Variants in EIF4E observed in about 807,000 individuals in gnomAD.
EIF4E encodes the protein eukaryotic translation initiation factor 4E.
For missense variants in EIF4E, 113 were observed against 265.6 expected, an observed-to-expected ratio of 0.43 and a Z score of 3.99; for synonymous variants, 71 against 88.5, an observed-to-expected ratio of 0.80 and a Z score of 1.11.
At chr4:98,906,055 A>C (rs907716582) in intron 1 of EIF4E, among the ~76,000 whole-genome samples, 3 of 152,192 alleles carry the variant, frequency 2.0e-5, no homozygotes, top group African/African-American at 7.2e-5. Context: ...GCTTTTCCAT[A>C]GTTTTGAACA....
chr4:98,927,879 G>A (rs186758603), intron 1 of EIF4E, among the ~76,000 whole-genome samples: 4 of 152,066 alleles, frequency 2.6e-5, no homozygotes, highest in Admixed American at 2.6e-4. Flanking sequence ...AAAGGCAACA[G>A]GGCCCAGAAG....
At chr4:98,884,777 G>A (rs914655685) in intron 6 of EIF4E, 145 bp downstream of exon 6, 68 of 1,104,580 alleles carry the variant, frequency 6.2e-5, no homozygotes, top group South Asian at 1.3e-4. Flanking sequence ...CAATTGAGCC[G>A]TTCAAAATTA....
intron 6 of EIF4E, 66 bp from the exon 7 acceptor site, chr4:98,881,208 T>A: frequency 6.4e-7 from 1 of 1,560,588 alleles, no homozygotes. Flanking sequence ...GAAATACATT[T>A]AAAAATTTAG....
intron 1 of EIF4E, among the ~76,000 whole-genome samples, chr4:98,927,395 C>A (rs571876621): frequency 2.0e-5 from 3 of 152,092 alleles, no homozygotes; most frequent in Non-Finnish European, 4.4e-5. Context: ...GTGGCTCACG[C>A]CTGTAATCCC....
intron 3 of EIF4E, among the ~76,000 whole-genome samples, chr4:98,890,410 A>G (rs1409919978): frequency 6.6e-6 from 1 of 152,240 alleles, no homozygotes; most frequent in Non-Finnish European, 1.5e-5. Context: ...GTACCTCCCT[A>G]GTCATTCTCC....
intron 1 of EIF4E, among the ~76,000 whole-genome samples, chr4:98,923,387 C>T (rs1296808913): frequency 1.3e-5 from 2 of 151,860 alleles, no homozygotes; most frequent in African/African-American, 2.4e-5. Context: ...GTGATCACAG[C>T]TCACTGCAGC....
intron 1 of EIF4E, among the ~76,000 whole-genome samples, chr4:98,920,021 G>A (rs1394376029): frequency 6.6e-6 from 1 of 152,174 alleles, no homozygotes; most frequent in East Asian, 1.9e-4. Flanking sequence ...TACTGTATTG[G>A]ACAGTAAAAA....
At chr4:98,905,433 G>A (rs1158372846) in intron 1 of EIF4E, among the ~76,000 whole-genome samples, 2 of 152,268 alleles carry the variant, frequency 1.3e-5, no homozygotes, top group African/African-American at 2.4e-5. Context: ...GAGTAAGAGC[G>A]AGGCCATGGG....
At chr4:98,883,527 T>C (rs1723790529) in intron 6 of EIF4E, among the ~76,000 whole-genome samples, 1 of 150,468 alleles carries the variant, frequency 6.6e-6, no homozygotes, top group African/African-American at 2.4e-5. Context: ...GTCTCCCAAG[T>C]AGCTGGAACT....
In EIF4E at chr4:98,919,487, C is replaced by T. The variant is rs1579184445; in HGVS notation, c.18+9608G>A. Among the ~76,000 whole-genome samples, 4 of 151,796 alleles carry T rather than the reference C, an allele frequency of 2.6e-5. No homozygotes were observed. In the Middle Eastern group the frequency reaches 0.01, roughly 390 times the overall value. ...ACCAAACTGGACATATCCAGTTATACCTTATAAAGTTGAACTAAATACAAT... is the reference window on the plus strand; with the variant it reads ...ACCAAACTGGACATATCCAGTTATATCTTATAAAGTTGAACTAAATACAAT... On this transcript the variant is annotated intron_variant, in intron 1 of 6. Transcript: ENST00000450253.
chr4:98,892,721 C>T (rs895933199), intron 2 of EIF4E, among the ~76,000 whole-genome samples: 4 of 150,628 alleles, frequency 2.7e-5, no homozygotes, highest in Non-Finnish European at 4.4e-5. Flanking sequence ...AACAGGTTGG[C>T]TGATATTTCT....
At chr4:98,906,944 T>C (rs1442261489) in intron 1 of EIF4E, among the ~76,000 whole-genome samples, 2 of 152,086 alleles carry the variant, frequency 1.3e-5, no homozygotes, top group Non-Finnish European at 2.9e-5. Context: ...GGGGATTAAA[T>C]GAATTAAAAA....
intron 1 of EIF4E, among the ~76,000 whole-genome samples, chr4:98,908,431 C>T (rs1579171677): frequency 6.6e-6 from 1 of 152,296 alleles, no homozygotes; most frequent in African/African-American, 2.4e-5. Context: ...CCTTCACTTT[C>T]TGTAGCTGAA....
chr4:98,912,037 G>T, intron 1 of EIF4E, among the ~76,000 whole-genome samples: 1 of 151,680 alleles, frequency 6.6e-6, no homozygotes, highest in African/African-American at 2.4e-5. Flanking sequence ...GGCGGATCAC[G>T]AGGTCAGGAG....
In EIF4E at chr4:98,882,947, G is replaced by C. The variant is rs148631739; in HGVS notation, c.540-1805C>G. 2.9e-3 allele frequency among the ~76,000 whole-genome samples: 434 copies of C among 152,098 alleles called. 4 individuals are homozygous for C. Among genetic ancestry groups the C allele is most frequent in the African/African-American group, 1.0e-2 (414 of 41,478 alleles). ...GGAACCCCATATAGCATGAAATGTA[G>C]AAAATCCCTATACCTTTTGATCCAG... On this transcript the variant is annotated intron_variant, in intron 6 of 6. Transcript: ENST00000450253.
At chr4:98,919,719 C>T (rs970451270) in intron 1 of EIF4E, among the ~76,000 whole-genome samples, 2 of 151,862 alleles carry the variant, frequency 1.3e-5, no homozygotes, top group Admixed American at 6.6e-5. Context: ...CCACCACACC[C>T]AGCTAATTTT....
chr4:98,882,009 T>C (rs902317727), intron 6 of EIF4E, among the ~76,000 whole-genome samples: 21 of 152,152 alleles, frequency 1.4e-4, no homozygotes, highest in African/African-American at 5.1e-4. Context: ...TTAGGCTGTG[T>C]GGCTATGGCT....
Position 98,879,512 on chromosome 4 carries a change from A to G in EIF4E, c.*1516T>C, listed in dbSNP as rs1723584528. ...AAGTTTGCTTTCAAATGATACCTAC[A>G]AAGAGTAGATCAAGTTTTCAAGTTT... On this transcript the variant is annotated 3_prime_UTR_variant, in exon 7 of 7. Transcript: ENST00000450253. 1 of 152,206 alleles carries G rather than the reference A, an allele frequency of 6.6e-6. No homozygotes were observed. The highest frequency in any genetic ancestry group is 2.4e-5 in the African/African-American group (1 of 41,456). 9.4% of individuals were successfully genotyped at this position (152,206 alleles called of 1,614,324 possible).
intron 3 of EIF4E, among the ~76,000 whole-genome samples, chr4:98,890,143 C>T (rs1168853556): frequency 6.6e-6 from 1 of 152,030 alleles, no homozygotes; most frequent in Non-Finnish European, 1.5e-5. Flanking sequence ...CTATTAGAAG[C>T]CAAGCACTGG....
Sources: allele counts gnomAD v4.1 joint callset (sites outside exome capture counted in the v4.1 genomes callset), GRCh38; gene constraint gnomAD v4.1.1; transcripts MANE v1.5; gene names NCBI Gene and HGNC (gene_info 2026-07-23, HGNC 2026-07-21).